The following NOS1 variants were observed in gnomAD, a reference collection of about 807,000 sequenced individuals.
The protein encoded by NOS1 is nitric oxide synthase 1, also known as NOS type I.
A neutral mutation model predicts 164.5 loss-of-function variants in NOS1; 51 were observed. The ratio of observed to expected loss-of-function variants is 0.31; its 90% CI spans 0.25 to 0.39. The LOEUF is 0.39. Among genes scored for constraint, NOS1 ranks in the 10% least tolerant of loss-of-function variants. The probability of loss-of-function intolerance (pLI) is 1.00; values close to 1 mark genes in which losing one functional copy is unlikely to be tolerated. For synonymous variants in NOS1, 719 were observed against 745.8 expected (o/e 0.96, Z 0.59); for missense variants, 1,362 against 1,885.6 (o/e 0.72, Z 5.14).
At chr12:117,308,555 C>T (rs74986368) in intron 3 of NOS1, among the ~76,000 whole-genome samples, 2 of 141,724 alleles carry the variant, frequency 1.4e-5, no homozygotes, top group South Asian at 2.2e-4. Flanking sequence ...AACAAACAAA[C>T]AAAAAAAAAA....
At chr12:117,360,568 G>T (rs1483902684) in intron 1 of NOS1, among the ~76,000 whole-genome samples, 1 of 152,256 alleles carries the variant, frequency 6.6e-6, no homozygotes, top group Non-Finnish European at 1.5e-5. Context: ...AGAGGTGCGG[G>T]CGGCCCCGCC....
chr12:117,270,997 C>T (rs919215800), intron 10 of NOS1, among the ~76,000 whole-genome samples: 1 of 152,078 alleles, frequency 6.6e-6, no homozygotes, highest in Admixed American at 6.5e-5. Flanking sequence ...GAGCCAAGAT[C>T]GCACCACTGC....
Position 117,331,117 on chromosome 12 carries a change from C to T in NOS1, c.-48G>A. ...CTGTCTGAAGACCTCACAATGCTAT[C>T]AGGCCAAGATGATTTCACCAGGAGG... On this transcript the variant is annotated 5_prime_UTR_variant, in exon 2 of 29. Coordinates refer to ENST00000317775, the MANE Select transcript of NOS1 (RefSeq NM_000620.5). 6.4e-7 allele frequency: 1 copy of T among 1,565,568 alleles called. No individual in the cohort carries two copies. The highest frequency in any genetic ancestry group is 8.7e-7 in the Non-Finnish European group (1 of 1,153,164).
At chr12:117,333,660 T>C (rs1875659355) in intron 1 of NOS1, among the ~76,000 whole-genome samples, 1 of 152,238 alleles carries the variant, frequency 6.6e-6, no homozygotes, top group Admixed American at 6.5e-5. Context: ...GGCTGCGTTC[T>C]CCATCTGGCG....
chr12:117,275,044 T>C (rs1873071152), intron 9 of NOS1, among the ~76,000 whole-genome samples: 1 of 152,110 alleles, frequency 6.6e-6, no homozygotes, highest in Non-Finnish European at 1.5e-5. Flanking sequence ...TGTTTGTAAC[T>C]CAAAGGATAA....
Position 117,256,994 on chromosome 12 carries a change from C to T in NOS1, c.2531+1403G>A, listed in dbSNP as rs554219444. On this transcript the variant is annotated intron_variant, in intron 16 of 28. Transcript: ENST00000317775. ...GGCTGAGGCTGCAGAGTCGCTTGAA[C>T]CCAGGAGGCGGAGGTTGCAGTGAGC... is the stretch of plus-strand genomic sequence containing the variant. 7.2e-5 allele frequency among the ~76,000 whole-genome samples: 11 copies of T among 151,994 alleles called. No homozygotes were observed. The South Asian group carries it at 1.9e-3, about 26-fold the overall frequency.
intron 2 of NOS1, among the ~76,000 whole-genome samples, chr12:117,327,787 G>T (rs370082708): frequency 1.3e-5 from 2 of 152,040 alleles, no homozygotes; most frequent in Non-Finnish European, 2.9e-5. Flanking sequence ...GGAATGTACC[G>T]AGGAAAAAAG....
intron 7 of NOS1, among the ~76,000 whole-genome samples, chr12:117,284,688 G>A (rs975187345): frequency 2.0e-5 from 3 of 152,158 alleles, no homozygotes; most frequent in Non-Finnish European, 4.4e-5. Flanking sequence ...GTTTGCTGCT[G>A]TAGTTTTGCA....
intron 20 of NOS1, among the ~76,000 whole-genome samples, chr12:117,235,980 T>C (rs936440961): frequency 6.6e-6 from 1 of 151,342 alleles, no homozygotes; most frequent in African/African-American, 2.4e-5. Context: ...GAGGTGGAGG[T>C]TGCAATGAGC....
At chr12:117,344,562 T>C (rs1321312501) in intron 1 of NOS1, among the ~76,000 whole-genome samples, 2 of 152,182 alleles carry the variant, frequency 1.3e-5, no homozygotes, top group African/African-American at 2.4e-5. Context: ...CTAGTGTCAG[T>C]GGTGGGGACT....
rs1419130218 is a variant in NOS1 at position 117,209,273 on chromosome 12, G to A, written c.*6036C>T. The A allele has an allele frequency of 1.1e-5, 11 of 968,868 alleles. No individual in the cohort carries two copies. Among genetic ancestry groups the A allele is most frequent in the East Asian group, 1.1e-4 (1 of 8,712 alleles). 60.0% of individuals were successfully genotyped at this position (968,868 alleles called of 1,614,324 possible). A position where few individuals can be genotyped will look rare whatever the true frequency, so the allele number is the denominator to read the frequency against. On this transcript the variant is annotated 3_prime_UTR_variant, in exon 29 of 29. Transcript: ENST00000317775. ...TCTGATGACATACTTGATTGTTACC[G>A]TTGGCAGGACACTGCTACAGGTATC...
chr12:117,251,861 A>AG (rs1268110072), intron 17 of NOS1, among the ~76,000 whole-genome samples: 1 of 151,976 alleles, frequency 6.6e-6, no homozygotes, highest in Non-Finnish European at 1.5e-5. Context: ...TCTCCAGAGT[A>AG]GCTGGGACCA....
chr12:117,345,139 C>T (rs947784542), intron 1 of NOS1, among the ~76,000 whole-genome samples: 36 of 150,344 alleles, frequency 2.4e-4, no homozygotes, highest in African/African-American at 8.8e-4. Context: ...TCAAGCAATT[C>T]TCCTGCCTCA....
chr12:117,247,160 G>T (rs1220786223), intron 18 of NOS1, among the ~76,000 whole-genome samples, 188 bp downstream of exon 18: 1 of 152,080 alleles, frequency 6.6e-6, no homozygotes, highest in African/African-American at 2.4e-5. Flanking sequence ...GTTGGATTCT[G>T]GGTAGAAAAT....
At chr12:117,222,672 A>G (rs1956726617) in intron 26 of NOS1, 43 bp downstream of exon 26, 1 of 1,588,608 alleles carries the variant, frequency 6.3e-7, no homozygotes. Flanking sequence ...CCAAGTGTGC[A>G]TGTGTGTTGG....
chr12:117,248,023 C>CCT (rs543248115), intron 17 of NOS1, among the ~76,000 whole-genome samples: 1 of 150,342 alleles, frequency 6.7e-6, no homozygotes, highest in African/African-American at 2.4e-5. Flanking sequence ...TCTCTAGCTC[C>CCT]CTCTCTCTCT....
chr12:117,219,213 C>T (rs9658539), intron 27 of NOS1, among the ~76,000 whole-genome samples: 1 of 152,054 alleles, frequency 6.6e-6, no homozygotes, highest in African/African-American at 2.4e-5. Context: ...GATCTCTTGA[C>T]CTCGTGATAC....
At chr12:117,337,047 C>A in intron 1 of NOS1, among the ~76,000 whole-genome samples, 1 of 150,890 alleles carries the variant, frequency 6.6e-6, no homozygotes, top group Admixed American at 6.6e-5. Flanking sequence ...CCTCCTGCCT[C>A]AGCCTCCCAA....
At chr12:117,287,960 TG>T (rs1314637999) in intron 5 of NOS1, 113 bp downstream of exon 5, 2 of 1,151,580 alleles carry the variant, frequency 1.7e-6, no homozygotes, top group African/African-American at 3.1e-5. Context: ...CTTAAGCCTC[TG>T]TGTATGGCAG....
Sources: gnomAD v4.1 joint callset for allele counts (sites outside exome capture counted in the v4.1 genomes callset) on GRCh38, gnomAD v4.1.1 for gene constraint, MANE v1.5 for transcripts, NCBI Gene and HGNC (gene_info 2026-07-23, HGNC 2026-07-21) for gene names.